TRMT1L: variants seen among roughly 807,000 people sequenced by gnomAD.
The protein encoded by TRMT1L is tRNA (guanine(27)-N(2))-dimethyltransferase.
In TRMT1L, 28 loss-of-function variants were observed where a neutral mutation model predicts 81.6. That is an observed-to-expected ratio of 0.34 (90% CI 0.25 to 0.47). TRMT1L has a LOEUF of 0.47. Among genes scored for constraint, TRMT1L ranks in the 20% least tolerant of loss-of-function variants. The probability of loss-of-function intolerance (pLI) is 1.00; values close to 1 mark genes in which losing one functional copy is unlikely to be tolerated. For synonymous variants in TRMT1L, 301 were observed against 303.2 expected (o/e 0.99, Z 0.07); for missense variants, 739 against 877.1 (o/e 0.84, Z 1.99).
chr1:185,139,856 A>G, intron 8 of TRMT1L, 117 bp downstream of exon 8: 1 of 1,227,764 alleles, frequency 8.1e-7, no homozygotes, highest in Non-Finnish European at 1.1e-6. Flanking sequence ...CAATGTCAAA[A>G]AATGGCATTA....
At chr1:185,141,835 A>G (rs907786719) in intron 7 of TRMT1L, among the ~76,000 whole-genome samples, 3 of 152,184 alleles carry the variant, frequency 2.0e-5, no homozygotes, top group African/African-American at 7.2e-5. Context: ...AAGATGAATG[A>G]CTTTTTTGAT....
At chr1:185,123,582 A>G (rs1652549176) in intron 13 of TRMT1L, among the ~76,000 whole-genome samples, 1 of 152,098 alleles carries the variant, frequency 6.6e-6, no homozygotes, top group African/African-American at 2.4e-5. Context: ...TAACTTTATC[A>G]TATATAATTT....
At chr1:185,144,537 G>C (rs182051834) in intron 5 of TRMT1L, among the ~76,000 whole-genome samples, 2 of 151,856 alleles carry the variant, frequency 1.3e-5, no homozygotes, top group African/African-American at 4.8e-5. Context: ...TTCTCATAAT[G>C]ATTTCAAGTC....
chr1:185,128,296 T>C (rs1446577265), intron 11 of TRMT1L, among the ~76,000 whole-genome samples: 9 of 152,234 alleles, frequency 5.9e-5, no homozygotes, highest in Non-Finnish European at 1.3e-4. Flanking sequence ...TTCTAGGACC[T>C]TTTACATGAG....
At chr1:185,144,092 C>A in intron 5 of TRMT1L, 63 bp from the exon 6 acceptor site, 5 of 1,404,130 alleles carry the variant, frequency 3.6e-6, no homozygotes, top group South Asian at 1.4e-5. Flanking sequence ...AAAAGATTTC[C>A]AAGAAAACAC....
intron 10 of TRMT1L, among the ~76,000 whole-genome samples, chr1:185,135,150 T>G (rs1370080392): frequency 1.3e-5 from 2 of 152,168 alleles, no homozygotes; most frequent in African/African-American, 4.8e-5. Flanking sequence ...GTGTGGTGGC[T>G]CACGCTTGTA....
At chr1:185,149,752 G>C (rs2102257360) in intron 3 of TRMT1L, among the ~76,000 whole-genome samples, 1 of 152,236 alleles carries the variant, frequency 6.6e-6, no homozygotes, top group African/African-American at 2.4e-5. Context: ...AATTCACTTA[G>C]GAAGCCCTTT....
chr1:185,150,681 GT>G (rs1422545105), intron 2 of TRMT1L, among the ~76,000 whole-genome samples, 189 bp from the exon 3 acceptor site: 1 of 151,340 alleles, frequency 6.6e-6, no homozygotes, highest in Non-Finnish European at 1.5e-5. Flanking sequence ...ATCAGTGATT[GT>G]TTTTTCACCC....
intron 11 of TRMT1L, 63 bp from the exon 12 acceptor site, chr1:185,125,173 C>A: frequency 1.6e-6 from 2 of 1,289,648 alleles, no homozygotes; most frequent in Non-Finnish European, 1.0e-6. Context: ...AAAAGAAAGT[C>A]TTCACAATTT....
In TRMT1L at chr1:185,120,372, G is replaced by T; in HGVS notation, c.1949+11C>A. ...AAATATATATACTTTGTCATTCACT[G>T]GGTGTCTTACTTTGGCATATTCATT... On this transcript the variant is annotated intron_variant, in intron 14 of 14. Coordinates refer to ENST00000367506, the MANE Select transcript of TRMT1L (RefSeq NM_030934.5). 6.5e-7 allele frequency: 1 copy of T among 1,530,160 alleles called. No individual in the cohort carries two copies. The allele number at this position is 1,530,160 out of a possible 1,614,324, so 94.8% of individuals were successfully genotyped here.
intron 10 of TRMT1L, among the ~76,000 whole-genome samples, 171 bp from the exon 11 acceptor site, chr1:185,128,918 G>A (rs539051730): frequency 2.6e-5 from 4 of 151,974 alleles, no homozygotes; most frequent in East Asian, 1.9e-4. Flanking sequence ...ATATGTATAC[G>A]TATATATGTA....
intron 13 of TRMT1L, among the ~76,000 whole-genome samples, chr1:185,123,151 G>T (rs1470804845): frequency 6.6e-6 from 1 of 152,092 alleles, no homozygotes; most frequent in East Asian, 1.9e-4. Context: ...ACTATTAAAA[G>T]AAATTTAAGT....
upstream of TRMT1L, chr1:185,156,980 G>C (rs186380206): frequency 4.0e-6 from 2 of 505,202 alleles, no homozygotes; most frequent in African/African-American, 2.0e-5. Context: ...GCGCAGAAGC[G>C]TACTGGGGAC....
At chr1:185,133,820 G>C (rs914178079) in intron 10 of TRMT1L, among the ~76,000 whole-genome samples, 10 of 152,058 alleles carry the variant, frequency 6.6e-5, no homozygotes, top group African/African-American at 2.4e-4. Context: ...GCCATGCTTA[G>C]ATTCTCAACT....
At chr1:185,155,329 C>A (rs1421763437) in intron 1 of TRMT1L, among the ~76,000 whole-genome samples, 4 of 152,264 alleles carry the variant, frequency 2.6e-5, no homozygotes, top group East Asian at 1.9e-4. Flanking sequence ...ACCCTCTCAG[C>A]TCCCCATGCC....
chr1:185,134,041 A>C (rs1012445812), intron 10 of TRMT1L, among the ~76,000 whole-genome samples: 1 of 152,150 alleles, frequency 6.6e-6, no homozygotes, highest in Admixed American at 6.5e-5. Flanking sequence ...TTTTCCATGG[A>C]AGGAAGTTAG....
intron 1 of TRMT1L, 80 bp downstream of exon 1, chr1:185,156,398 G>C: frequency 6.2e-7 from 1 of 1,612,270 alleles, no homozygotes; most frequent in Non-Finnish European, 8.5e-7. Flanking sequence ...AAACCATCCC[G>C]GTGAAGGGCC....
intron 10 of TRMT1L, among the ~76,000 whole-genome samples, chr1:185,130,987 C>A (rs562505862): frequency 6.6e-5 from 10 of 151,908 alleles, no homozygotes; most frequent in Non-Finnish European, 1.5e-4. Flanking sequence ...ACAGTAAAAT[C>A]CATTGGTTTA....
chr1:185,144,630 T>C (rs1653137916), intron 5 of TRMT1L, among the ~76,000 whole-genome samples: 1 of 150,996 alleles, frequency 6.6e-6, no homozygotes, highest in South Asian at 2.1e-4. Flanking sequence ...TATAAACTAA[T>C]AAAATATTGA....
Sources: allele counts gnomAD v4.1 joint callset (sites outside exome capture counted in the v4.1 genomes callset), GRCh38; gene constraint gnomAD v4.1.1; transcripts MANE v1.5; gene names NCBI Gene and HGNC (gene_info 2026-07-23, HGNC 2026-07-21).